DNAI7: variants seen among roughly 807,000 people sequenced by gnomAD.
DNAI7 encodes cancer susceptibility 1.
DNAI7 carries 78 observed loss-of-function variants against 86.6 expected under a neutral mutation model. That is an observed-to-expected ratio of 0.90 (90% confidence interval 0.75 to 1.09). DNAI7 has a LOEUF of 1.09. Among genes scored for constraint, DNAI7 ranks in the 50% least tolerant of loss-of-function variants. The pLI is 0.00. For missense variants in DNAI7, 753 were observed against 810.2 expected (o/e 0.93, Z 0.86); for synonymous variants, 274 against 273.0 (o/e 1.00, Z -0.04).
chr12:25,108,519 A>ATACTT lies in DNAI7; in HGVS notation c.*24_*28dup. The stretch of plus-strand genomic sequence containing the variant: ...TGTCTTTCACCATGCTTGGTTCTTC[A>ATACTT]TACTTACAATACAGTTTGTAAGTGG... On this transcript the variant is annotated 3_prime_UTR_variant, in exon 16 of 16. Transcript: ENST00000395987. The ATACTT allele has an allele frequency of 2.5e-6, 4 of 1,578,158 alleles. No homozygotes were observed. Among genetic ancestry groups the ATACTT allele is most frequent in the Non-Finnish European group, 3.5e-6 (4 of 1,156,414 alleles).
Position 25,181,466 on chromosome 12 carries a change from T to G in DNAI7, c.21+9148A>C, listed in dbSNP as rs1592686333. On this transcript the variant is annotated intron_variant, in intron 2 of 15. Coordinates refer to ENST00000395987, the MANE Select transcript of DNAI7 (RefSeq NM_018272.5). ...CTAAAAGAAAACCAGGAAAAACTCT[T>G]CTGGGCATTGGCCTAGGCAAATAAT... Among the ~76,000 whole-genome samples the G allele has an allele frequency of 2.0e-5, 3 of 152,120 alleles. No individual in the cohort carries two copies. In the South Asian group the frequency reaches 6.2e-4, roughly 32 times the overall value.
intron 9 of DNAI7, among the ~76,000 whole-genome samples, chr12:25,128,474 G>A (rs2140554594): frequency 6.6e-6 from 1 of 152,206 alleles, no homozygotes; most frequent in South Asian, 2.1e-4. Flanking sequence ...GATTCCAGAA[G>A]TTCAGAACAT....
At chr12:25,120,341 A>AGAGAGAGAGAGAGAGAGAGAGAGAGAGAG in intron 11 of DNAI7, among the ~76,000 whole-genome samples, 1 of 148,810 alleles carries the variant, frequency 6.7e-6, no homozygotes, top group Non-Finnish European at 1.5e-5. Flanking sequence ...AGAGAGAGAG[A>AGAGAGAGAGAGAGAGAGAGAGAGAGAGAG]GGAAGGAAGG....
In DNAI7 at chr12:25,119,219, ATAG is replaced by A. The variant is rs1334284232; in HGVS notation, c.1319_1321del (p.Pro440_Ile441delinsLeu). On this transcript the variant is annotated inframe_deletion, in exon 12 of 16. Coordinates refer to ENST00000395987, the MANE Select transcript of DNAI7 (RefSeq NM_018272.5). ...CTCATGAACCTCAAGTGTGACCTCT[ATAG>A]GTGGGAAAGCATTTTCTGTCTCAAA... 1.9e-6 allele frequency: 3 copies of A among 1,612,590 alleles called. No homozygotes were observed. Among genetic ancestry groups the A allele is most frequent in the Non-Finnish European group, 2.5e-6 (3 of 1,178,870 alleles).
At chr12:25,177,279 T>G (rs1949063464) in intron 2 of DNAI7, among the ~76,000 whole-genome samples, 1 of 152,066 alleles carries the variant, frequency 6.6e-6, no homozygotes, top group Non-Finnish European at 1.5e-5. Flanking sequence ...ACAATCCACC[T>G]CCAGAACTTT....
chr12:25,173,280 T>C (rs551027827), intron 2 of DNAI7, among the ~76,000 whole-genome samples: 110 of 151,978 alleles, frequency 7.2e-4, no homozygotes, highest in Non-Finnish European at 1.3e-3. Context: ...CATCAAAAAG[T>C]GGGCTAAGGA....
chr12:25,117,601 C>T (rs1303154919), intron 12 of DNAI7, among the ~76,000 whole-genome samples: 2 of 152,022 alleles, frequency 1.3e-5, no homozygotes, highest in African/African-American at 4.8e-5. Flanking sequence ...TTCAGCAAGC[C>T]TACTCCAAAA....
chr12:25,146,082 C>T (rs1378584573), intron 8 of DNAI7, among the ~76,000 whole-genome samples: 1 of 151,554 alleles, frequency 6.6e-6, no homozygotes, highest in East Asian at 1.9e-4. Context: ...ATTAGCCAAG[C>T]ATGGTGGCAC....
intron 1 of DNAI7, among the ~76,000 whole-genome samples, chr12:25,193,178 G>T (rs964872958): frequency 6.6e-6 from 1 of 151,830 alleles, no homozygotes; most frequent in African/African-American, 2.4e-5. Flanking sequence ...AAATTCATAC[G>T]TTGAAATTCT....
At chr12:25,176,068 A>C (rs1363158375) in intron 2 of DNAI7, among the ~76,000 whole-genome samples, 1 of 152,028 alleles carries the variant, frequency 6.6e-6, no homozygotes, top group Non-Finnish European at 1.5e-5. Flanking sequence ...TGACAGAGCG[A>C]GACTCCATCT....
intron 9 of DNAI7, among the ~76,000 whole-genome samples, chr12:25,126,618 T>C (rs1020648784): frequency 1.3e-4 from 20 of 151,742 alleles, no homozygotes; most frequent in African/African-American, 4.8e-4. Context: ...TGATAACAAT[T>C]AGCACCAAAA....
chr12:25,186,780 G>C (rs1265389088), intron 2 of DNAI7, among the ~76,000 whole-genome samples: 1 of 151,954 alleles, frequency 6.6e-6, no homozygotes, highest in African/African-American at 2.4e-5. Flanking sequence ...AAAAAGGCAG[G>C]GTTTTTTTTT....
intron 7 of DNAI7, among the ~76,000 whole-genome samples, chr12:25,148,648 C>T (rs1249907027): frequency 6.6e-6 from 1 of 152,152 alleles, no homozygotes; most frequent in Admixed American, 6.5e-5. Flanking sequence ...CTCCACCTTC[C>T]CCCTTTGTTT....
intron 9 of DNAI7, among the ~76,000 whole-genome samples, chr12:25,136,422 C>A (rs571164842): frequency 3.9e-4 from 59 of 152,244 alleles, no homozygotes; most frequent in African/African-American, 1.4e-3. Flanking sequence ...CCCTTGAGCC[C>A]CAGATCTTTC....
intron 2 of DNAI7, among the ~76,000 whole-genome samples, chr12:25,187,293 C>T (rs1190048417): frequency 6.6e-6 from 1 of 152,178 alleles, no homozygotes; most frequent in Non-Finnish European, 1.5e-5. Flanking sequence ...CTCATTCCCC[C>T]AGGTAATTAC....
At chr12:25,113,461 C>T (rs1017889881) in intron 13 of DNAI7, among the ~76,000 whole-genome samples, 17 of 152,088 alleles carry the variant, frequency 1.1e-4, no homozygotes, top group African/African-American at 4.1e-4. Flanking sequence ...GCCACCATGC[C>T]TGGCTAATTT....
chr12:25,156,132 G>C (rs139554494), intron 4 of DNAI7, among the ~76,000 whole-genome samples: 292 of 151,984 alleles, frequency 1.9e-3, no homozygotes, highest in African/African-American at 6.6e-3. Context: ...AGAATGCCCT[G>C]ATGAAGAGGT....
rs529543807 is a variant in DNAI7, at chr12:25,172,309, A to T, written c.22-11112T>A. Among the ~76,000 whole-genome samples the T allele has an allele frequency of 2.0e-5, 3 of 152,268 alleles. No homozygotes were observed. The South Asian group carries it at 6.2e-4, about 32-fold the overall frequency. ...GTAGTTCTTCTATACACCAAAAGCA[A>T]CCAAGCAGAGAATCAAATCAAGAGC... On this transcript the variant is annotated intron_variant, in intron 2 of 15. Transcript: ENST00000395987.
At chr12:25,179,271 T>C (rs540848951) in intron 2 of DNAI7, among the ~76,000 whole-genome samples, 1 of 152,318 alleles carries the variant, frequency 6.6e-6, no homozygotes, top group African/African-American at 2.4e-5. Flanking sequence ...ACTTTGAGAA[T>C]AGTTTTGTAT....
Sources: allele counts gnomAD v4.1 joint callset (sites outside exome capture counted in the v4.1 genomes callset), GRCh38; gene constraint gnomAD v4.1.1; transcripts MANE v1.5; gene names NCBI Gene and HGNC (gene_info 2026-07-23, HGNC 2026-07-21).